TWF1: variants seen among roughly 807,000 people sequenced by gnomAD.
The protein encoded by TWF1 is twinfilin-1.
Under a neutral mutation model 47.9 loss-of-function variants are expected in TWF1, and 14 were observed. The ratio of observed to expected loss-of-function variants is 0.29; its 90% CI spans 0.19 to 0.46. TWF1 has a LOEUF of 0.46. TWF1 is among the 20% of genes least tolerant of loss of function. TWF1 has a pLI of 1.00. For missense variants in TWF1, 281 were observed against 409.3 expected, an observed-to-expected ratio of 0.69 and a Z score of 2.70; for synonymous variants, 96 against 139.2, an observed-to-expected ratio of 0.69 and a Z score of 2.18.
In TWF1 at chr12:43,797,803, G is replaced by A. The variant is rs1942581760; in HGVS notation, c.514C>T (p.His172Tyr). The change falls in exon 6 of 9, where the codon CAT (histidine) becomes TAT (tyrosine). Residue 172 changes from histidine to tyrosine, a missense_variant. Transcript: ENST00000395510. ...AATGCTACTCCTTGTAGTGTTTGAT[G>A]CTTAGTGTCCACACCCACGTCAGTC... ...VQTDVGVDTK[H>Y]QTLQGVAFPI... 6.2e-7 allele frequency: 1 copy of A among 1,613,378 alleles called. No individual in the cohort carries two copies. Among genetic ancestry groups the A allele is most frequent in the Non-Finnish European group, 8.5e-7 (1 of 1,179,480 alleles).
chr12:43,797,480 T>C (rs191525319), intron 6 of TWF1, 28 bp from the exon 7 acceptor site: 8 of 1,527,552 alleles, frequency 5.2e-6, no homozygotes, highest in African/African-American at 1.4e-5. Context: ...AATATGTTCA[T>C]TAAAACCAGA....
At chr12:43,806,055 C>T (rs1942761253) in intron 1 of TWF1, 166 bp downstream of exon 1, 16 of 1,518,616 alleles carry the variant, frequency 1.1e-5, no homozygotes, top group Non-Finnish European at 1.4e-5. Context: ...AGGCCGGCAG[C>T]GCCCGGGAAG....
intron 2 of TWF1, among the ~76,000 whole-genome samples, chr12:43,803,075 A>G (rs1388029351): frequency 6.6e-6 from 1 of 152,196 alleles, no homozygotes; most frequent in African/African-American, 2.4e-5. Flanking sequence ...ATACAGTAAC[A>G]GTGAAGTTAT....
At chr12:43,798,921 T>C (rs935574412) in intron 5 of TWF1, among the ~76,000 whole-genome samples, 4 of 152,112 alleles carry the variant, frequency 2.6e-5, no homozygotes, top group Admixed American at 1.3e-4. Context: ...CTGAAATTTA[T>C]TGACTCTAAT....
chr12:43,804,155 T>C (rs936513347), intron 2 of TWF1: 5 of 196,966 alleles, frequency 2.5e-5, no homozygotes, highest in Non-Finnish European at 4.3e-5. Context: ...CAAGTAACTA[T>C]TTTTTTTTTT....
rs567310677 is a variant in TWF1, at chr12:43,794,600, A to G, written c.*985T>C. The G allele has an allele frequency of 2.3e-3, 337 of 149,708 alleles. 1 individual carries two copies. The highest frequency in any genetic ancestry group is 3.9e-3 in the Non-Finnish European group (266 of 67,464). 9.3% of individuals were successfully genotyped at this position (149,708 alleles called of 1,614,324 possible). A position where few individuals can be genotyped will look rare whatever the true frequency, so the allele number is the denominator to read the frequency against. On this transcript the variant is annotated 3_prime_UTR_variant, in exon 9 of 9. Coordinates refer to ENST00000395510, the MANE Select transcript of TWF1 (RefSeq NM_002822.5). Reference sequence around the variant, plus strand: ...GTATCAAAGAAATATGAGGCTCAAAATCTCTCTAGGTTGTAACTGATAATG... The same window carrying G: ...GTATCAAAGAAATATGAGGCTCAAAGTCTCTCTAGGTTGTAACTGATAATG...
At chr12:43,800,998 C>T (rs1303100636) in intron 3 of TWF1, among the ~76,000 whole-genome samples, 2 of 152,140 alleles carry the variant, frequency 1.3e-5, no homozygotes, top group Non-Finnish European at 2.9e-5. Flanking sequence ...GTGATCCACT[C>T]GCCTCGGCTT....
intron 8 of TWF1, 134 bp from the exon 9 acceptor site, chr12:43,795,889 C>T: frequency 1.3e-6 from 1 of 782,684 alleles, no homozygotes; most frequent in Non-Finnish European, 2.0e-6. Flanking sequence ...TAAACAGTTT[C>T]ACTTTCTTCT....
intron 3 of TWF1, 143 bp from the exon 4 acceptor site, chr12:43,800,673 C>T (rs750134947): frequency 3.2e-5 from 19 of 594,046 alleles, no homozygotes; most frequent in Admixed American, 9.3e-5. Flanking sequence ...TGCTAAAATA[C>T]GTGTGTACAA....
Position 43,797,114 on chromosome 12 carries a change from T to C in TWF1, c.761-17A>G. ...AAATAAAAACTGTAAGTTCAAATAATAACAAATATAATTAGCATATCAATA... is the reference window on the plus strand; with the variant it reads ...AAATAAAAACTGTAAGTTCAAATAACAACAAATATAATTAGCATATCAATA... On this transcript the variant is annotated splice_polypyrimidine_tract_variant and intron_variant, in intron 7 of 8. Coordinates refer to ENST00000395510, the MANE Select transcript of TWF1 (RefSeq NM_002822.5). The C allele has an allele frequency of 2.5e-6, 4 of 1,570,834 alleles. No homozygotes were observed. The highest frequency in any genetic ancestry group is 2.6e-6 in the Non-Finnish European group (3 of 1,156,730).
At chr12:43,796,573 A>C (rs1942554431) in intron 8 of TWF1, among the ~76,000 whole-genome samples, 2 of 152,098 alleles carry the variant, frequency 1.3e-5, no homozygotes, top group Non-Finnish European at 2.9e-5. Context: ...CCTTATTAAT[A>C]TGCAGTAGAA....
At chr12:43,797,208 C>G in intron 7 of TWF1, 94 bp downstream of exon 7, 1 of 1,475,072 alleles carries the variant, frequency 6.8e-7, no homozygotes, top group Non-Finnish European at 9.2e-7. Context: ...AAAACTACAG[C>G]TAAGCCCTCT....
intron 4 of TWF1, 51 bp from the exon 5 acceptor site, chr12:43,799,553 C>T (rs1329857074): frequency 4.6e-6 from 5 of 1,084,504 alleles, no homozygotes; most frequent in Non-Finnish European, 6.6e-6. Context: ...AGTAAAATGA[C>T]AGTGAAGTTA....
At chr12:43,798,576 C>T in intron 5 of TWF1, 1 of 1,523,890 alleles carries the variant, frequency 6.6e-7, no homozygotes. Context: ...CCAATATGAT[C>T]CTCTGGGCTC....
In TWF1 at chr12:43,795,566, A is replaced by T. The variant is rs1392156692; in HGVS notation, c.*19T>A. Reference sequence around the variant, plus strand: ...TGGACTTTTAAAAAACTAGTATTACAATGTTTAATGTGATGACTTTAATCA... The same window carrying T: ...TGGACTTTTAAAAAACTAGTATTACTATGTTTAATGTGATGACTTTAATCA... On this transcript the variant is annotated 3_prime_UTR_variant, in exon 9 of 9. Transcript: ENST00000395510. The T allele has an allele frequency of 2.5e-6, 4 of 1,604,424 alleles. No homozygotes were observed. The African/African-American group carries it at 5.4e-5, about 22-fold the overall frequency.
intron 5 of TWF1, among the ~76,000 whole-genome samples, 196 bp from the exon 6 acceptor site, chr12:43,798,029 G>GTTT (rs1470900346): frequency 6.6e-6 from 1 of 152,130 alleles, no homozygotes; most frequent in Non-Finnish European, 1.5e-5. Flanking sequence ...TTACGACAAT[G>GTTT]TTGGAAGTGA....
At chr12:43,804,661 G>A in intron 1 of TWF1, 89 bp from the exon 2 acceptor site, 2 of 852,020 alleles carry the variant, frequency 2.3e-6, no homozygotes, top group Non-Finnish European at 3.6e-6. Flanking sequence ...AGAATACAAA[G>A]AAAAAATCTG....
rs769588203 is a variant in TWF1, at chr12:43,797,359, G to C, written c.703C>G (p.Arg235Gly). The C allele has an allele frequency of 6.2e-7, 1 of 1,605,574 alleles. No individual in the cohort carries two copies. Among genetic ancestry groups the C allele is most frequent in the Non-Finnish European group, 8.5e-7 (1 of 1,176,466 alleles). The stretch of plus-strand genomic sequence containing the variant: ...TGTTTATACAGAAAGAAATGGTAAC[G>C]AGCTGAATCCTTGGGAATCCTCTTT... ...LPKRIPKDSARYHFFLYKHSH... is the reference protein window; with the variant it reads ...LPKRIPKDSAGYHFFLYKHSH... The change falls in exon 7 of 9, where the codon CGT (arginine) becomes GGT (glycine). Residue 235 changes from arginine to glycine, a missense_variant. Coordinates refer to ENST00000395510, the MANE Select transcript of TWF1 (RefSeq NM_002822.5).
At position 43,794,212 on chromosome 12, in the gene TWF1, A is replaced by G. The variant is rs920495188; in HGVS notation, c.*1373T>C. 6.6e-6 allele frequency: 1 copy of G among 152,634 alleles called. No individual in the cohort carries two copies. The highest frequency in any genetic ancestry group is 1.5e-5 in the Non-Finnish European group (1 of 68,042). 9.5% of individuals were successfully genotyped at this position (152,634 alleles called of 1,614,324 possible). On this transcript the variant is annotated 3_prime_UTR_variant, in exon 9 of 9. Transcript: ENST00000395510. ...ATCTTTAGTAAACAAGTGCAACATT[A>G]TTGTCAGTTATTTTGCATGTTTAAA...
Sources: gnomAD v4.1 joint callset for allele counts (sites outside exome capture counted in the v4.1 genomes callset) on GRCh38, gnomAD v4.1.1 for gene constraint, MANE v1.5 for transcripts, NCBI Gene and HGNC (gene_info 2026-07-23, HGNC 2026-07-21) for gene names.